SLC4A9: variants seen among roughly 807,000 people sequenced by gnomAD.
SLC4A9 encodes the protein solute carrier family 4 member 9.
A neutral mutation model predicts 103.2 loss-of-function variants in SLC4A9; 102 were observed. The observed-to-expected ratio is 0.99, with a 90% CI of 0.84 to 1.17. The LOEUF is 1.17. SLC4A9 is among the 50% of genes most tolerant of loss of function. The probability of loss-of-function intolerance (pLI) is 0.00; values close to 1 mark genes in which losing one functional copy is unlikely to be tolerated. For synonymous variants in SLC4A9, 453 were observed against 483.6 expected (o/e 0.94, Z 0.83); for missense variants, 1,091 against 1,193.7 (o/e 0.91, Z 1.27).
In SLC4A9 at chr5:140,363,357, G is replaced by C. The variant is rs1031592661; in HGVS notation, c.963-82G>C. 5 of 1,300,510 alleles carry C rather than the reference G, an allele frequency of 3.8e-6. No individual in the cohort carries two copies. The highest frequency in any genetic ancestry group is 5.4e-6 in the Non-Finnish European group (5 of 934,508). The allele number at this position is 1,300,510 out of a possible 1,614,324, so 80.6% of individuals were successfully genotyped here. Reference sequence around the variant, plus strand: ...CGGCAGAGACAAGAGCAGCCGCTAGGGGGCAGGGCGCCACGAGCTCTGGAC... The same window carrying C: ...CGGCAGAGACAAGAGCAGCCGCTAGCGGGCAGGGCGCCACGAGCTCTGGAC... On this transcript the variant is annotated intron_variant, in intron 7 of 21. Coordinates refer to ENST00000506757, the MANE Select transcript of SLC4A9 (RefSeq NM_031467.3). This position sits in a 1 kb window ranked among gnomAD's most constrained non-coding sequence, Gnocchi z 4.5.
rs774798120 is a variant in SLC4A9, at chr5:140,368,698, G to A, written c.2427+39G>A. ...ACAAGCCAGGATCAGGGTCAGTGTA[G>A]TAATAATAGGAGCACAGCAAGAACT... On this transcript the variant is annotated intron_variant, in intron 17 of 21. Coordinates refer to ENST00000506757, the MANE Select transcript of SLC4A9 (RefSeq NM_031467.3). 104 of 1,559,196 alleles carry A rather than the reference G, an allele frequency of 6.7e-5. No homozygotes were observed. The East Asian group carries it at 2.3e-3, about 34-fold the overall frequency.
In SLC4A9 at chr5:140,365,856, C is replaced by A. The variant is rs760000424; in HGVS notation, c.1733C>A (p.Ser578Tyr). 1.4e-5 allele frequency: 22 copies of A among 1,613,698 alleles called. No homozygotes were observed. Among genetic ancestry groups the A allele is most frequent in the Non-Finnish European group, 1.9e-5 (22 of 1,179,828 alleles). ...VSMDLGLINASLLPPPECTRQ... is the reference protein window; with the variant it reads ...VSMDLGLINAYLLPPPECTRQ... Reference sequence around the variant, plus strand: ...CAGGACTTAGGCCTGATCAATGCATCCTTGCTGCCGCCACCTGAGTGCACC... The same window carrying A: ...CAGGACTTAGGCCTGATCAATGCATACTTGCTGCCGCCACCTGAGTGCACC... Residue 578 changes from serine (S) to tyrosine (Y), a missense_variant, in exon 13 of 22, where the codon TCC (serine) becomes TAC (tyrosine). By Grantham distance (144) the Ser-to-Tyr change is moderately radical. Transcript: ENST00000506757.
intron 6 of SLC4A9, 130 bp from the exon 7 acceptor site, chr5:140,362,782 G>A (rs1767295525): frequency 1.5e-5 from 18 of 1,195,278 alleles, no homozygotes; most frequent in Non-Finnish European, 2.0e-5. Flanking sequence ...ATGAATTAAT[G>A]CATGCATAAA....
Position 140,363,122 on chromosome 5 carries a change from A to G in SLC4A9, c.962+56A>G. The G allele has an allele frequency of 6.3e-6, 10 of 1,581,834 alleles. No individual in the cohort carries two copies. Among genetic ancestry groups the G allele is most frequent in the Non-Finnish European group, 8.5e-6 (10 of 1,169,938 alleles). ...CCTGCCCATATAGGCCCTGGGTCTAATTCCATTGTTGAGGAGGGGTGGTGT... is the reference window on the plus strand; with the variant it reads ...CCTGCCCATATAGGCCCTGGGTCTAGTTCCATTGTTGAGGAGGGGTGGTGT... On this transcript the variant is annotated intron_variant, in intron 7 of 21. Transcript: ENST00000506757. This position sits in a 1 kb window ranked among gnomAD's most constrained non-coding sequence, Gnocchi z 4.5.
intron 11 of SLC4A9, 116 bp downstream of exon 11, chr5:140,364,741 A>G (rs2126762307): frequency 8.0e-7 from 1 of 1,246,680 alleles, no homozygotes; most frequent in Non-Finnish European, 1.1e-6. Flanking sequence ...TACTTACCCA[A>G]TAACTGGCAG....
intron 2 of SLC4A9, 60 bp downstream of exon 2, chr5:140,361,032 C>T (rs1767000290): frequency 6.9e-7 from 1 of 1,452,184 alleles, no homozygotes; most frequent in Non-Finnish European, 9.2e-7. Flanking sequence ...CCAGGATTTC[C>T]CCTCCAAAGT....
chr5:140,371,472 T>C lies in SLC4A9; in HGVS notation c.2518T>C (p.Leu840=), dbSNP rs377159639. Residue 840 remains leucine, a synonymous_variant, in exon 19 of 22, where the codon TTG becomes CTG. Transcript: ENST00000506757. The part of the protein sequence containing the change: ...SIQFTNRVKL[L]LMPAKHQPDL... Reference sequence around the variant, plus strand: ...CTAGTTCACTAATAGGGTGAAGCTGTTGTTGATGCCAGCAAAACACCAGCC... The same window carrying C: ...CTAGTTCACTAATAGGGTGAAGCTGCTGTTGATGCCAGCAAAACACCAGCC... 10 of 1,614,022 alleles carry C rather than the reference T, an allele frequency of 6.2e-6. No homozygotes were observed. In the African/African-American group the frequency reaches 1.1e-4, roughly 17 times the overall value.
rs563411366 is a variant in SLC4A9 at position 140,365,922 on chromosome 5, T to C, written c.1799T>C (p.Val600Ala). Reference protein sequence around the residue: ...GHPRGPGCHTVPDIAFFSLLL... With the variant: ...GHPRGPGCHTAPDIAFFSLLL... ...CCTCGTGGCCCTGGCTGTCATACAG[T>C]CCCAGACATTGCCTTCTTCTCCCTT... The change falls in exon 13 of 22, where the codon GTC becomes GCC. Residue 600 changes from valine (V) to alanine (A), a missense_variant. Transcript: ENST00000506757. 1.2e-6 allele frequency: 2 copies of C among 1,614,036 alleles called. No homozygotes were observed. Among genetic ancestry groups the C allele is most frequent in the African/African-American group, 1.3e-5 (1 of 75,064 alleles).
At position 140,365,882 on chromosome 5, in the gene SLC4A9, C is replaced by T. The variant is rs201936160; in HGVS notation, c.1759C>T (p.Arg587Trp). 454 of 1,613,858 alleles carry T rather than the reference C, an allele frequency of 2.8e-4. 1 individual carries two copies. The highest frequency in any genetic ancestry group is 3.7e-4 in the Non-Finnish European group (431 of 1,179,898). ...CTTGCTGCCGCCACCTGAGTGCACC[C>T]GGCAGGGAGGCCACCCTCGTGGCCC... ...ASLLPPPECT[R>W]QGGHPRGPGC... Residue 587 changes from arginine (R) to tryptophan (W), a missense_variant, in exon 13 of 22, where the codon CGG becomes TGG. Arg to Trp is a moderately radical substitution (Grantham distance 101). Coordinates refer to ENST00000506757, the MANE Select transcript of SLC4A9 (RefSeq NM_031467.3).
rs1769274916 is a variant in SLC4A9, at chr5:140,374,851, CT to C, written c.*71del. ...GATGCTCAGTCGGCTTGGGGAAGGA[CT>C]GAAGGGCAGCTGCCAAGACCTCAGT... On this transcript the variant is annotated 3_prime_UTR_variant, in exon 22 of 22. Transcript: ENST00000506757. 1 of 152,122 alleles carries C rather than the reference CT, an allele frequency of 6.6e-6. No homozygotes were observed. The highest frequency in any genetic ancestry group is 2.4e-5 in the African/African-American group (1 of 41,402). The allele number at this position is 152,122 out of a possible 1,614,324, so 9.4% of individuals were successfully genotyped here. A position where few individuals can be genotyped will look rare whatever the true frequency, so the allele number is the denominator to read the frequency against.
rs760649607 is a variant in SLC4A9, at chr5:140,367,899, G to A, written c.2354+1G>A. 5 of 1,613,584 alleles carry A rather than the reference G, an allele frequency of 3.1e-6. No homozygotes were observed. The South Asian group carries it at 3.3e-5, about 11-fold the overall frequency. On this transcript the variant is annotated splice_donor_variant, in intron 16 of 21. Transcript: ENST00000506757. LOFTEE classifies it high-confidence loss of function. Reference sequence around the variant, plus strand: ...AGCGCCCCAACTTCCTGGGTATCAGGTGAGGGCGGTATTTAGGAAGTGGAG... The same window carrying A: ...AGCGCCCCAACTTCCTGGGTATCAGATGAGGGCGGTATTTAGGAAGTGGAG...
At chr5:140,374,613 G>C (rs1298555576) in intron 21 of SLC4A9, among the ~76,000 whole-genome samples, 1 of 150,812 alleles carries the variant, frequency 6.6e-6, no homozygotes, top group Non-Finnish European at 1.5e-5. Context: ...TGGGAAATTT[G>C]GGGGACTGGA....
chr5:140,371,665 G>T, intron 19 of SLC4A9, 41 bp downstream of exon 19: 2 of 1,606,122 alleles, frequency 1.2e-6, no homozygotes, highest in South Asian at 1.1e-5. Flanking sequence ...GGAGGGTCTT[G>T]GGAGACTCTG....
chr5:140,374,236 C>T (rs1769157599), intron 21 of SLC4A9, among the ~76,000 whole-genome samples: 1 of 150,522 alleles, frequency 6.6e-6, no homozygotes, highest in South Asian at 2.1e-4. Context: ...CATAGAACAC[C>T]CTCATCTTCA....
intron 3 of SLC4A9, 67 bp from the exon 4 acceptor site, chr5:140,361,741 T>G: frequency 6.4e-7 from 1 of 1,566,722 alleles, no homozygotes; most frequent in East Asian, 2.2e-5. Flanking sequence ...CAAAAGTGAT[T>G]AGGGAATCCT....
Position 140,365,920 on chromosome 5 carries a change from A to G in SLC4A9, c.1797A>G (p.Thr599=). 1 of 1,614,024 alleles carries G rather than the reference A, an allele frequency of 6.2e-7. No homozygotes were observed. Among genetic ancestry groups the G allele is most frequent in the Non-Finnish European group, 8.5e-7 (1 of 1,179,896 alleles). ...ACCCTCGTGGCCCTGGCTGTCATAC[A>G]GTCCCAGACATTGCCTTCTTCTCCC... is the stretch of plus-strand genomic sequence containing the variant. The part of the protein sequence containing the change: ...GGHPRGPGCH[T]VPDIAFFSLL... The change falls in exon 13 of 22, where the codon ACA becomes ACG. Residue 599 remains threonine (T), a synonymous_variant. Coordinates refer to ENST00000506757, the MANE Select transcript of SLC4A9 (RefSeq NM_031467.3).
Position 140,360,972 on chromosome 5 carries a change from G to T in SLC4A9, c.391G>T (p.Glu131Ter), listed in dbSNP as rs376359944. ...AGCTCAGAGCCTCCTGGAGCTCGTG[G>T]GTAGGCTGGGATCCTTTGCAGGAAG... Reference protein sequence around the residue: ...CPAQSLLELVEQVTRVESLSP... With the variant: ...CPAQSLLELV The change falls in exon 2 of 22, where the codon GAG becomes TAG. Residue 131 changes from glutamate (E) to a stop codon, truncating the protein, a stop_gained and splice_region_variant. Coordinates refer to ENST00000506757, the MANE Select transcript of SLC4A9 (RefSeq NM_031467.3). LOFTEE classifies it high-confidence loss of function. 4.5e-6 allele frequency: 7 copies of T among 1,570,510 alleles called. No individual in the cohort carries two copies. In the African/African-American group the frequency reaches 9.5e-5, roughly 21 times the overall value.
At chr5:140,367,172 C>T (rs1167280897) in intron 14 of SLC4A9, among the ~76,000 whole-genome samples, 1 of 152,170 alleles carries the variant, frequency 6.6e-6, no homozygotes, top group Non-Finnish European at 1.5e-5. Flanking sequence ...CCTTCTGTTC[C>T]AGGGAGGGAG....
Position 140,365,917 on chromosome 5 carries a change from T to C in SLC4A9, c.1794T>C (p.His598=). 6.2e-7 allele frequency: 1 copy of C among 1,614,052 alleles called. No individual in the cohort carries two copies. The highest frequency in any genetic ancestry group is 8.5e-7 in the Non-Finnish European group (1 of 1,179,894). Residue 598 remains histidine, a synonymous_variant, in exon 13 of 22, where the codon CAT becomes CAC. Coordinates refer to ENST00000506757, the MANE Select transcript of SLC4A9 (RefSeq NM_031467.3). ...QGGHPRGPGC[H]TVPDIAFFSL... ...GCCACCCTCGTGGCCCTGGCTGTCATACAGTCCCAGACATTGCCTTCTTCT... is the reference window on the plus strand; with the variant it reads ...GCCACCCTCGTGGCCCTGGCTGTCACACAGTCCCAGACATTGCCTTCTTCT...
Sources: gnomAD v4.1 joint callset for allele counts (sites outside exome capture counted in the v4.1 genomes callset) on GRCh38, gnomAD v4.1.1 for gene constraint, Gnocchi (gnomAD v3.1) non-coding constraint, MANE v1.5 for transcripts, NCBI Gene and HGNC (gene_info 2026-07-23, HGNC 2026-07-21) for gene names.